Variants in RBFOX3 observed in about 807,000 individuals in gnomAD.
RBFOX3 encodes RNA binding protein fox-1 homolog 3.
In RBFOX3, 17 loss-of-function variants were observed where a neutral mutation model predicts 48.7. The ratio of observed to expected loss-of-function variants is 0.35; its 90% CI spans 0.24 to 0.52. The LOEUF is 0.52. Ranked by LOEUF, RBFOX3 falls within the 20% of genes least tolerant of loss-of-function variation. The pLI is 0.94. For synonymous variants in RBFOX3, 212 were observed against 209.5 expected, an observed-to-expected ratio of 1.01 and a Z score of -0.10; for missense variants, 382 against 497.5, an observed-to-expected ratio of 0.77 and a Z score of 2.21.
chr17:79,346,713 T>G (rs1003962021), intron 2 of RBFOX3, among the ~76,000 whole-genome samples: 2 of 152,248 alleles, frequency 1.3e-5, no homozygotes, highest in African/African-American at 2.4e-5. Flanking sequence ...AAACTTCCTA[T>G]TCATTTATTA....
At chr17:79,519,893 G>A (rs1464073385) in intron 1 of RBFOX3, among the ~76,000 whole-genome samples, 4 of 152,170 alleles carry the variant, frequency 2.6e-5, no homozygotes, top group South Asian at 2.1e-4. Flanking sequence ...GCTGGTCCCC[G>A]GGACCCTGCC....
chr17:79,590,083 T>G (rs919847106), intron 1 of RBFOX3, among the ~76,000 whole-genome samples: 12 of 151,670 alleles, frequency 7.9e-5, no homozygotes, highest in African/African-American at 2.9e-4. Flanking sequence ...CATTTGGGGG[T>G]GCTTCCTGTG....
chr17:79,239,601 C>T (rs1033779884), intron 3 of RBFOX3, among the ~76,000 whole-genome samples: 1 of 152,252 alleles, frequency 6.6e-6, no homozygotes, highest in Non-Finnish European at 1.5e-5. Flanking sequence ...TGCACAACTC[C>T]ACACTCTTCC....
chr17:79,430,545 T>A (rs1555727913), intron 2 of RBFOX3, among the ~76,000 whole-genome samples: 1 of 152,244 alleles, frequency 6.6e-6, no homozygotes, highest in Admixed American at 6.5e-5. Context: ...TGTGCTCGAC[T>A]AATATTATTA....
chr17:79,252,033 C>G lies in RBFOX3; in HGVS notation c.-73-16228G>C, dbSNP rs1043490598. ...GAGCCAGCCTTGTCTTTCTCCATCT[C>G]TCAGCAGGGAATGAGTCTGCTGACC... On this transcript the variant is annotated intron_variant, in intron 3 of 14. Transcript: ENST00000693108. This position sits in a 1 kb window ranked among gnomAD's most constrained non-coding sequence, Gnocchi z 4.0. 8.5e-5 allele frequency among the ~76,000 whole-genome samples: 13 copies of G among 152,218 alleles called. No homozygotes were observed. Among genetic ancestry groups the G allele is most frequent in the Admixed American group, 7.2e-4 (11 of 15,290 alleles).
intron 3 of RBFOX3, among the ~76,000 whole-genome samples, chr17:79,307,158 G>A (rs368917251): frequency 8.5e-5 from 13 of 152,354 alleles, no homozygotes; most frequent in Non-Finnish European, 1.3e-4. Context: ...ACCTCGGGGC[G>A]CGGAAGGAGG....
chr17:79,132,031 C>T (rs1034044382), intron 4 of RBFOX3, among the ~76,000 whole-genome samples: 4 of 152,212 alleles, frequency 2.6e-5, no homozygotes, highest in African/African-American at 9.6e-5. Flanking sequence ...ACCTACTCTG[C>T]GTCTTGCCTG....
At chr17:79,578,361 C>A (rs936099506) in intron 1 of RBFOX3, among the ~76,000 whole-genome samples, 1 of 152,270 alleles carries the variant, frequency 6.6e-6, no homozygotes, top group Non-Finnish European at 1.5e-5. Flanking sequence ...AGAGCAAAAC[C>A]AAACCGAGGC....
Position 79,214,548 on chromosome 17 carries a change from TGGGA to T in RBFOX3, c.-34+21214_-34+21217del, listed in dbSNP as rs997214744. Among the ~76,000 whole-genome samples the T allele has an allele frequency of 2.1e-5, 3 of 141,580 alleles. No homozygotes were observed. The highest frequency in any genetic ancestry group is 4.7e-5 in the Non-Finnish European group (3 of 64,394). The allele number at this position is 141,580 out of a possible 152,430, so 92.9% of individuals were successfully genotyped here. A position where few individuals can be genotyped will look rare whatever the true frequency, so the allele number is the denominator to read the frequency against. On this transcript the variant is annotated intron_variant, in intron 4 of 14. Transcript: ENST00000693108. The surrounding 1 kb of genome is among the most constrained non-coding windows in gnomAD (Gnocchi z 4.7). ...GAGGGGCTCCCTGGGGCAGGCCAAG[TGGGA>T]GGGATGTCTGGGGGGGGTCTCGGAG...
chr17:79,570,762 G>A (rs967820306), intron 1 of RBFOX3, among the ~76,000 whole-genome samples: 8 of 152,162 alleles, frequency 5.3e-5, no homozygotes, highest in Non-Finnish European at 7.4e-5. Flanking sequence ...ATGAACTCTC[G>A]GGTGGCTCAG....
intron 1 of RBFOX3, among the ~76,000 whole-genome samples, chr17:79,609,490 G>A (rs2093919807): frequency 1.3e-5 from 2 of 152,308 alleles, no homozygotes; most frequent in East Asian, 1.9e-4. Context: ...CTCGCGCGTC[G>A]GGACTAGCGG....
intron 2 of RBFOX3, among the ~76,000 whole-genome samples, chr17:79,419,743 A>G (rs2065934682): frequency 1.3e-5 from 2 of 152,244 alleles, no homozygotes; most frequent in South Asian, 4.1e-4. Context: ...CAAAGCACCA[A>G]TGAAATCAAA....
Position 79,477,705 on chromosome 17 carries a change from C to T in RBFOX3, c.-175+4749G>A, listed in dbSNP as rs1170699103. On this transcript the variant is annotated intron_variant, in intron 2 of 14. Transcript: ENST00000693108. The surrounding 1 kb of genome is among the most constrained non-coding windows in gnomAD (Gnocchi z 4.8). ...GTGAACAAGCAAAGGGGCAGGGTGG[C>T]AGAATTAGGCAGGATCAGAATGAGG... is the stretch of plus-strand genomic sequence containing the variant. Among the ~76,000 whole-genome samples the T allele has an allele frequency of 6.6e-6, 1 of 152,116 alleles. No homozygotes were observed. Among genetic ancestry groups the T allele is most frequent in the Admixed American group, 6.5e-5 (1 of 15,274 alleles).
At chr17:79,484,615 G>A (rs911255505) in intron 1 of RBFOX3, among the ~76,000 whole-genome samples, 1 of 152,022 alleles carries the variant, frequency 6.6e-6, no homozygotes, top group Non-Finnish European at 1.5e-5. Flanking sequence ...AGAGGTAGAG[G>A]ACTCAGGTGG....
intron 2 of RBFOX3, among the ~76,000 whole-genome samples, chr17:79,352,681 G>C (rs1022170610): frequency 1.3e-5 from 2 of 152,224 alleles, no homozygotes; most frequent in Non-Finnish European, 2.9e-5. Context: ...ACCTCCTAGG[G>C]TTCCCTTACA....
At chr17:79,514,603 C>T (rs966596571) in intron 1 of RBFOX3, among the ~76,000 whole-genome samples, 1 of 152,316 alleles carries the variant, frequency 6.6e-6, no homozygotes. Flanking sequence ...GGCTCTGGGG[C>T]CACAGGCAAG....
intron 4 of RBFOX3, among the ~76,000 whole-genome samples, chr17:79,233,289 C>A (rs2061247368): frequency 6.6e-6 from 1 of 152,106 alleles, no homozygotes; most frequent in Non-Finnish European, 1.5e-5. Context: ...ATATAAAACT[C>A]CAGAAAATAT....
chr17:79,576,275 C>T (rs1274710416), intron 1 of RBFOX3, among the ~76,000 whole-genome samples: 1 of 152,142 alleles, frequency 6.6e-6, no homozygotes, highest in Non-Finnish European at 1.5e-5. Flanking sequence ...AAATAAATCT[C>T]TTGATAGATG....
At chr17:79,652,080 G>A in the RBFOX3 span, among the ~76,000 whole-genome samples, 2 of 151,932 alleles carry the variant, frequency 1.3e-5, no homozygotes, top group South Asian at 4.2e-4. Flanking sequence ...ACCCAGCTAA[G>A]CCCAACCAGA....
Sources: gnomAD v4.1 joint callset for allele counts (sites outside exome capture counted in the v4.1 genomes callset) on GRCh38, gnomAD v4.1.1 for gene constraint, Gnocchi (gnomAD v3.1) non-coding constraint, MANE v1.5 for transcripts, NCBI Gene and HGNC (gene_info 2026-07-23, HGNC 2026-07-21) for gene names.